The following CAND1 variants were observed in gnomAD, a reference collection of about 807,000 sequenced individuals.
CAND1 encodes the protein cullin-associated NEDD8-dissociated protein 1.
A neutral mutation model predicts 108.5 loss-of-function variants in CAND1; 7 were observed. The ratio of observed to expected loss-of-function variants is 0.06; its 90% CI spans 0.04 to 0.12. CAND1 has a LOEUF of 0.12. Ranked by LOEUF, CAND1 falls within the 10% of genes least tolerant of loss-of-function variation. The pLI, the probability that CAND1 is intolerant of heterozygous loss-of-function variation, is 1.00. For missense variants in CAND1, 941 were observed against 1,448.7 expected, an observed-to-expected ratio of 0.65 and a Z score of 5.69; for synonymous variants, 534 against 512.0, an observed-to-expected ratio of 1.04 and a Z score of -0.58.
intron 1 of CAND1, among the ~76,000 whole-genome samples, chr12:67,279,671 TA>T (rs1451879568): frequency 2.6e-5 from 4 of 152,118 alleles, no homozygotes; most frequent in Non-Finnish European, 5.9e-5. Context: ...TTCTTGATGT[TA>T]GGGGGGCCAA....
At chr12:67,282,867 T>G (rs151265274) in intron 2 of CAND1, among the ~76,000 whole-genome samples, 1 of 152,228 alleles carries the variant, frequency 6.6e-6, no homozygotes, top group Non-Finnish European at 1.5e-5. Flanking sequence ...TGTCTTTGTG[T>G]ATACATTGCA....
chr12:67,292,813 G>A (rs1565721280), intron 3 of CAND1, 37 bp downstream of exon 3: 1 of 1,606,300 alleles, frequency 6.2e-7, no homozygotes, highest in Admixed American at 1.7e-5. Context: ...ATTTCTTTTT[G>A]TGTGGAGGTA....
intron 1 of CAND1, among the ~76,000 whole-genome samples, chr12:67,274,098 C>T (rs2044548113): frequency 6.6e-6 from 1 of 151,804 alleles, no homozygotes; most frequent in Non-Finnish European, 1.5e-5. Context: ...AGGGTTTAGA[C>T]TAGTGGATGT....
At position 67,276,696 on chromosome 12, in the gene CAND1, G is replaced by A. The variant is rs533904580; in HGVS notation, c.69-5214G>A. On this transcript the variant is annotated intron_variant, in intron 1 of 14. Transcript: ENST00000545606. ...GGACCTTGTCCGAAATGGATGTTCT[G>A]TGAGATTGTTTATGTCCAAGAAAAC... Among the ~76,000 whole-genome samples, 9 of 152,334 alleles carry A rather than the reference G, an allele frequency of 5.9e-5. No homozygotes were observed. In the South Asian group the frequency reaches 8.3e-4, roughly 14 times the overall value.
At position 67,287,157 on chromosome 12, in the gene CAND1, C is replaced by T. The variant is rs569563705; in HGVS notation, c.212+5104C>T. ...GTATTGTAGAGTATTTAGCAGCATC[C>T]CTGGCCAATAGCATTCCCACCTCTC... On this transcript the variant is annotated intron_variant, in intron 2 of 14. Transcript: ENST00000545606. 2.6e-5 allele frequency among the ~76,000 whole-genome samples: 4 copies of T among 152,224 alleles called. No homozygotes were observed. In the South Asian group the frequency reaches 6.2e-4, roughly 24 times the overall value.
At position 67,281,068 on chromosome 12, in the gene CAND1, C is replaced by T. The variant is rs778459155; in HGVS notation, c.69-842C>T. On this transcript the variant is annotated intron_variant, in intron 1 of 14. Coordinates refer to ENST00000545606, the MANE Select transcript of CAND1 (RefSeq NM_018448.5). ...CCAGCCTGGGCAACATGGTGAAACC[C>T]TAAAATACAATAATACTAAATTATT... 5.3e-4 allele frequency among the ~76,000 whole-genome samples: 80 copies of T among 151,748 alleles called. No homozygotes were observed. In the Middle Eastern group the frequency reaches 0.014, roughly 26 times the overall value.
intron 2 of CAND1, among the ~76,000 whole-genome samples, chr12:67,290,224 G>C (rs760847198): frequency 2.0e-5 from 3 of 152,058 alleles, no homozygotes; most frequent in African/African-American, 7.2e-5. Context: ...TGAAAGCTCA[G>C]TACCAGCCTG....
At chr12:67,277,081 CT>C (rs2044576762) in intron 1 of CAND1, among the ~76,000 whole-genome samples, 1 of 152,192 alleles carries the variant, frequency 6.6e-6, no homozygotes, top group East Asian at 1.9e-4. Flanking sequence ...ATTACCCAGT[CT>C]TGTGGTTTTC....
rs190843503 is a variant in CAND1 at position 67,298,906 on chromosome 12, A to G, written c.855-44A>G. The G allele has an allele frequency of 7.4e-4, 844 of 1,142,478 alleles. 2 individuals carry two copies. Among genetic ancestry groups the G allele is most frequent in the Non-Finnish European group, 5.7e-4 (437 of 760,326 alleles). The allele number at this position is 1,142,478 out of a possible 1,614,324, so 70.8% of individuals were successfully genotyped here. A position where few individuals can be genotyped will look rare whatever the true frequency, so the allele number is the denominator to read the frequency against. On this transcript the variant is annotated intron_variant, in intron 6 of 14. Coordinates refer to ENST00000545606, the MANE Select transcript of CAND1 (RefSeq NM_018448.5). Reference sequence around the variant, plus strand: ...AAATGTGGCAGGTAATGAATCAAGGAGTAAAATGCAGCTCTTCAAGGCAGC... The same window carrying G: ...AAATGTGGCAGGTAATGAATCAAGGGGTAAAATGCAGCTCTTCAAGGCAGC...
At chr12:67,299,176 T>C in intron 7 of CAND1, 81 bp downstream of exon 7, 5 of 1,324,134 alleles carry the variant, frequency 3.8e-6, no homozygotes, top group Non-Finnish European at 5.0e-6. Flanking sequence ...CAAATTGTAC[T>C]GTTTGTTTTA....
In CAND1 at chr12:67,295,627, C is replaced by T. The variant is rs1364826373; in HGVS notation, c.491+471C>T. 4.6e-5 allele frequency among the ~76,000 whole-genome samples: 7 copies of T among 152,136 alleles called. No individual in the cohort carries two copies. In the East Asian group the frequency reaches 1.3e-3, roughly 29 times the overall value. ...TTCCTTTGGAAGTCAGATGTTAGAA[C>T]ATAGACAGACCTAAGCAACTCCTAG... On this transcript the variant is annotated intron_variant, in intron 4 of 14. Coordinates refer to ENST00000545606, the MANE Select transcript of CAND1 (RefSeq NM_018448.5).
At chr12:67,306,737 T>C (rs1180901950) in intron 10 of CAND1, 140 bp downstream of exon 10, 2 of 639,746 alleles carry the variant, frequency 3.1e-6, no homozygotes, top group Admixed American at 6.3e-5. Flanking sequence ...AAACTGTCTT[T>C]CGTAGTATGG....
intron 2 of CAND1, among the ~76,000 whole-genome samples, chr12:67,291,616 C>A (rs907481055): frequency 6.6e-6 from 1 of 152,100 alleles, no homozygotes; most frequent in Non-Finnish European, 1.5e-5. Flanking sequence ...CTCTTATACA[C>A]ATAGCCCGAA....
rs755793076 is a variant in CAND1 at position 67,314,824 on chromosome 12, C to A, written c.*1994C>A. The A allele has an allele frequency of 1.3e-5, 2 of 152,128 alleles. No individual in the cohort carries two copies. The highest frequency in any genetic ancestry group is 2.9e-5 in the Non-Finnish European group (2 of 68,022). 9.4% of individuals were successfully genotyped at this position (152,128 alleles called of 1,614,324 possible). ...TTTAGTACTAAAGAAATAGATACTGCTCTTTTATGGCTTTAGTGTTTATAT... is the reference window on the plus strand; with the variant it reads ...TTTAGTACTAAAGAAATAGATACTGATCTTTTATGGCTTTAGTGTTTATAT... On this transcript the variant is annotated 3_prime_UTR_variant, in exon 15 of 15. Coordinates refer to ENST00000545606, the MANE Select transcript of CAND1 (RefSeq NM_018448.5).
Position 67,312,927 on chromosome 12 carries a change from TC to T in CAND1, c.*98del, listed in dbSNP as rs2044968100. The T allele has an allele frequency of 1.3e-6, 1 of 759,058 alleles. No individual in the cohort carries two copies. Among genetic ancestry groups the T allele is most frequent in the African/African-American group, 1.8e-5 (1 of 56,238 alleles). 47.0% of individuals were successfully genotyped at this position (759,058 alleles called of 1,614,324 possible). On this transcript the variant is annotated 3_prime_UTR_variant, in exon 15 of 15. Transcript: ENST00000545606. ...ATGGAAAGAGAAGTGTCTAAAAGCT[TC>T]AAAATGTTCCACTTTTTTTTCCTTC...
At chr12:67,284,751 T>TACAC (rs1386043338) in intron 2 of CAND1, among the ~76,000 whole-genome samples, 1 of 150,870 alleles carries the variant, frequency 6.6e-6, no homozygotes, top group Non-Finnish European at 1.5e-5. Context: ...CATGCACACA[T>TACAC]ACACACACAC....
At chr12:67,289,017 T>C (rs560462120) in intron 2 of CAND1, among the ~76,000 whole-genome samples, 1 of 152,370 alleles carries the variant, frequency 6.6e-6, no homozygotes, top group South Asian at 2.1e-4. Context: ...GTTAGTAATA[T>C]AGCCACTCCC....
At chr12:67,277,652 A>T (rs972803884) in intron 1 of CAND1, among the ~76,000 whole-genome samples, 5 of 152,208 alleles carry the variant, frequency 3.3e-5, no homozygotes, top group African/African-American at 1.2e-4. Context: ...ACAGCTGGGA[A>T]TGTATGTGTT....
chr12:67,295,375 TTAAAG>T (rs1267605764), intron 4 of CAND1, among the ~76,000 whole-genome samples: 14 of 152,210 alleles, frequency 9.2e-5, no homozygotes, highest in South Asian at 2.1e-4. Flanking sequence ...TTGTAGTTCT[TTAAAG>T]TAATTAATAA....
Sources: gnomAD v4.1 joint callset for allele counts (sites outside exome capture counted in the v4.1 genomes callset) on GRCh38, gnomAD v4.1.1 for gene constraint, MANE v1.5 for transcripts, NCBI Gene and HGNC (gene_info 2026-07-23, HGNC 2026-07-21) for gene names.